Variants in ACOXL observed in about 807,000 individuals in gnomAD.
ACOXL encodes acyl-coenzyme A oxidase-like protein.
Under a neutral mutation model 71.9 loss-of-function variants are expected in ACOXL, and 70 were observed. The observed-to-expected ratio is 0.97, with a 90% CI of 0.80 to 1.19. ACOXL has a LOEUF of 1.19. ACOXL is among the 50% of genes most tolerant of loss of function. ACOXL has a pLI of 0.00. For synonymous variants in ACOXL, 253 were observed against 281.6 expected (o/e 0.90, Z 1.02); for missense variants, 703 against 736.3 (o/e 0.95, Z 0.52).
chr2:110,844,937 G>A (rs1411420142), intron 10 of ACOXL, among the ~76,000 whole-genome samples: 1 of 152,080 alleles, frequency 6.6e-6, no homozygotes, highest in African/African-American at 2.4e-5. Flanking sequence ...GTAGGTTTCT[G>A]GTTGAGTTCC....
intron 14 of ACOXL, among the ~76,000 whole-genome samples, chr2:111,023,565 G>A (rs964982363): frequency 2.0e-5 from 3 of 152,180 alleles, no homozygotes; most frequent in Non-Finnish European, 2.9e-5. Flanking sequence ...GTGGGGACGT[G>A]TGGGAGAAGG....
At chr2:110,767,807 C>T (rs896838533) in intron 1 of ACOXL, among the ~76,000 whole-genome samples, 4 of 152,098 alleles carry the variant, frequency 2.6e-5, no homozygotes, top group East Asian at 1.9e-4. Flanking sequence ...TGGTCTTGGC[C>T]GGGCGCGGTG....
intron 12 of ACOXL, among the ~76,000 whole-genome samples, chr2:110,949,650 T>A (rs2128815): frequency 0.25 from 37,269 of 151,846 alleles, 4,828 homozygotes; most frequent in Middle Eastern, 0.3. Context: ...TATTTTTTTT[T>A]AAAAAAATCA....
intron 14 of ACOXL, among the ~76,000 whole-genome samples, chr2:110,998,648 T>G (rs746623991): frequency 1.3e-5 from 2 of 152,246 alleles, no homozygotes; most frequent in Non-Finnish European, 2.9e-5. Context: ...GCTTTGATCT[T>G]GAACTGAGTT....
chr2:110,744,627 G>A (rs901126076), intron 1 of ACOXL, among the ~76,000 whole-genome samples: 1 of 152,128 alleles, frequency 6.6e-6, no homozygotes, highest in African/African-American at 2.4e-5. Flanking sequence ...CCCACACTTT[G>A]CCATAGGACC....
At chr2:110,967,331 T>C (rs2061977127) in intron 12 of ACOXL, among the ~76,000 whole-genome samples, 1 of 152,006 alleles carries the variant, frequency 6.6e-6, no homozygotes, top group African/African-American at 2.4e-5. Context: ...TCAACAGAAT[T>C]TACCCAATCT....
intron 1 of ACOXL, among the ~76,000 whole-genome samples, chr2:110,750,313 AT>A: frequency 6.6e-6 from 1 of 152,070 alleles, no homozygotes; most frequent in African/African-American, 2.4e-5. Context: ...TAACATGTTT[AT>A]TTTATATTTT....
At chr2:110,889,172 C>T (rs1023637357) in intron 10 of ACOXL, among the ~76,000 whole-genome samples, 3 of 152,212 alleles carry the variant, frequency 2.0e-5, no homozygotes, top group Admixed American at 1.3e-4. Flanking sequence ...CCTACTAGCA[C>T]TCTGTGCATT....
intron 10 of ACOXL, among the ~76,000 whole-genome samples, chr2:110,894,755 A>T (rs79745885): frequency 0.011 from 1,621 of 152,280 alleles, 36 homozygotes; most frequent in African/African-American, 0.038. Context: ...ACTGCTCTTC[A>T]GCAATTATGA....
At chr2:110,738,987 C>A (rs906610315) in intron 1 of ACOXL, among the ~76,000 whole-genome samples, 1 of 152,008 alleles carries the variant, frequency 6.6e-6, no homozygotes, top group Non-Finnish European at 1.5e-5. Flanking sequence ...TTCTTGTTTT[C>A]TAGTTATAAA....
chr2:110,998,063 G>A (rs549957239), intron 14 of ACOXL, among the ~76,000 whole-genome samples: 21 of 151,898 alleles, frequency 1.4e-4, no homozygotes, highest in African/African-American at 4.6e-4. Context: ...AAAATAATAC[G>A]GAAGCTAAAA....
Position 111,114,605 on chromosome 2 carries a change from G to A in ACOXL, c.1543-3011G>A, listed in dbSNP as rs537602266. 2.6e-5 allele frequency among the ~76,000 whole-genome samples: 4 copies of A among 152,228 alleles called. No homozygotes were observed. The East Asian group carries it at 7.7e-4, about 29-fold the overall frequency. On this transcript the variant is annotated intron_variant, in intron 17 of 17. Transcript: ENST00000439055. ...AAGAGGCAGGAAAACCTTCTGCATG[G>A]AGTCCTAGGAATAGCTGGGGTGTCC... is the stretch of plus-strand genomic sequence containing the variant.
intron 10 of ACOXL, among the ~76,000 whole-genome samples, chr2:110,907,378 G>A (rs969300525): frequency 7.2e-5 from 11 of 152,146 alleles, no homozygotes; most frequent in African/African-American, 2.7e-4. Flanking sequence ...ATTCTGGGGC[G>A]ACACAGTTCA....
At chr2:110,880,150 A>C (rs1573964529) in intron 10 of ACOXL, among the ~76,000 whole-genome samples, 1 of 114,010 alleles carries the variant, frequency 8.8e-6, no homozygotes, top group East Asian at 2.4e-4. Flanking sequence ...ACTCTGTCAC[A>C]AACAAAAAAA....
At chr2:110,763,482 A>G (rs1037520337) in intron 1 of ACOXL, among the ~76,000 whole-genome samples, 2 of 152,228 alleles carry the variant, frequency 1.3e-5, no homozygotes, top group African/African-American at 4.8e-5. Context: ...GGACGTCAAC[A>G]TACAACCCCC....
intron 17 of ACOXL, 41 bp from the exon 18 acceptor site, chr2:111,117,575 G>A (rs372739677): frequency 6.5e-7 from 1 of 1,547,864 alleles, no homozygotes; most frequent in East Asian, 2.4e-5. Context: ...GGCTGTAAGT[G>A]TGCCAACATC....
intron 16 of ACOXL, among the ~76,000 whole-genome samples, chr2:111,090,254 T>C (rs2150011592): frequency 6.6e-6 from 1 of 152,256 alleles, no homozygotes; most frequent in Middle Eastern, 3.4e-3. Context: ...CATAAATTCA[T>C]ATTCCATATA....
chr2:110,986,494 T>C (rs952717716), intron 12 of ACOXL, among the ~76,000 whole-genome samples: 1 of 152,238 alleles, frequency 6.6e-6, no homozygotes, highest in Non-Finnish European at 1.5e-5. Context: ...ATGTCGGGGC[T>C]GAGTGGAGGC....
chr2:110,901,783 T>C (rs1259449645), intron 10 of ACOXL, among the ~76,000 whole-genome samples: 1 of 152,062 alleles, frequency 6.6e-6, no homozygotes, highest in African/African-American at 2.4e-5. Context: ...CCTAGCACTT[T>C]TGGAGGCCGA....
Sources: allele counts gnomAD v4.1 joint callset (sites outside exome capture counted in the v4.1 genomes callset), GRCh38; gene constraint gnomAD v4.1.1; transcripts MANE v1.5; gene names NCBI Gene and HGNC (gene_info 2026-07-23, HGNC 2026-07-21).